Variants in MPHOSPH9 observed in about 807,000 individuals in gnomAD.
The protein encoded by MPHOSPH9 is M-phase phosphoprotein 9.
A neutral mutation model predicts 145.5 loss-of-function variants in MPHOSPH9; 88 were observed. The observed-to-expected ratio is 0.60, with a 90% CI of 0.51 to 0.72. MPHOSPH9 has a LOEUF of 0.72. Among genes scored for constraint, MPHOSPH9 ranks in the 30% least tolerant of loss-of-function variants. The pLI is 0.00. For missense variants in MPHOSPH9, 1,238 were observed against 1,386.6 expected, an observed-to-expected ratio of 0.89 and a Z score of 1.70; for synonymous variants, 435 against 486.2, an observed-to-expected ratio of 0.89 and a Z score of 1.39.
In MPHOSPH9 at chr12:123,180,813, T is replaced by C. The variant is rs375968659; in HGVS notation, c.2289+350A>G. On this transcript the variant is annotated intron_variant, in intron 14 of 23. Transcript: ENST00000606320. ...GCTTGAACCCAGGAGGCAGAGGTTG[T>C]GGTGAGCCGAGATCACACCACTGCA... Among the ~76,000 whole-genome samples the C allele has an allele frequency of 3.3e-5, 5 of 151,340 alleles. No individual in the cohort carries two copies. In the South Asian group the frequency reaches 6.3e-4, roughly 19 times the overall value.
At chr12:123,207,583 C>G (rs540593552) in intron 8 of MPHOSPH9, among the ~76,000 whole-genome samples, 1 of 152,200 alleles carries the variant, frequency 6.6e-6, no homozygotes, top group South Asian at 2.1e-4. Context: ...GCCGGGTGCA[C>G]TAGCTCATGC....
At position 123,201,942 on chromosome 12, in the gene MPHOSPH9, T is replaced by C. The variant is rs1464236762; in HGVS notation, c.1937+222A>G. 3.3e-5 allele frequency among the ~76,000 whole-genome samples: 5 copies of C among 152,294 alleles called. No individual in the cohort carries two copies. The South Asian group carries it at 8.3e-4, about 25-fold the overall frequency. ...ATGACATTACTCTGCATATACAAAA[T>C]TCGCTCAACTGTTTCAGTATTTTGC... On this transcript the variant is annotated intron_variant, in intron 11 of 23. Coordinates refer to ENST00000606320, the MANE Select transcript of MPHOSPH9 (RefSeq NM_022782.4).
At chr12:123,175,527 T>A (rs1462533274) in intron 16 of MPHOSPH9, among the ~76,000 whole-genome samples, 2 of 152,132 alleles carry the variant, frequency 1.3e-5, no homozygotes, top group Non-Finnish European at 2.9e-5. Flanking sequence ...CAACTTTGCC[T>A]CTTGCTGGAA....
Position 123,184,675 on chromosome 12 carries a change from T to A in MPHOSPH9, c.2242-3465A>T, listed in dbSNP as rs566219075. Among the ~76,000 whole-genome samples the A allele has an allele frequency of 5.3e-5, 8 of 152,040 alleles. No homozygotes were observed. The East Asian group carries it at 1.6e-3, about 29-fold the overall frequency. On this transcript the variant is annotated intron_variant, in intron 13 of 23. Coordinates refer to ENST00000606320, the MANE Select transcript of MPHOSPH9 (RefSeq NM_022782.4). ...ACCACGCCCAGCTAATTTTTTTGTA[T>A]TTTTAGTAGAGACGGGGTTTCACCA...
chr12:123,217,236 T>G (rs2138543371), intron 6 of MPHOSPH9, among the ~76,000 whole-genome samples: 1 of 152,130 alleles, frequency 6.6e-6, no homozygotes, highest in South Asian at 2.1e-4. Context: ...TCTCGCTCTT[T>G]TGCCAGGCCG....
At chr12:123,193,094 A>T (rs867612376) in intron 13 of MPHOSPH9, among the ~76,000 whole-genome samples, 10,583 of 85,286 alleles carry the variant, frequency 0.12, 1,285 homozygotes, top group African/African-American at 0.29. Flanking sequence ...AAAAAAAAAA[A>T]AAATATATAT....
At chr12:123,205,896 G>A (rs1002739784) in intron 8 of MPHOSPH9, among the ~76,000 whole-genome samples, 1 of 152,092 alleles carries the variant, frequency 6.6e-6, no homozygotes, top group African/African-American at 2.4e-5. Context: ...TGGCCAAATA[G>A]GTATCAGCAG....
chr12:123,179,945 GAGT>G lies in MPHOSPH9; in HGVS notation c.2332_2334del (p.Thr778del). ...TTTTACCTTTTCAAATCAGAAATCT[GAGT>G]ATATGCATCAAGCAATTTGTTCTCA... is the stretch of plus-strand genomic sequence containing the variant. On this transcript the variant is annotated inframe_deletion, in exon 15 of 24. Coordinates refer to ENST00000606320, the MANE Select transcript of MPHOSPH9 (RefSeq NM_022782.4). 3 of 1,450,198 alleles carry G rather than the reference GAGT, an allele frequency of 2.1e-6. No homozygotes were observed. Among genetic ancestry groups the G allele is most frequent in the Non-Finnish European group, 2.8e-6 (3 of 1,072,758 alleles). The allele number at this position is 1,450,198 out of a possible 1,614,324, so 89.8% of individuals were successfully genotyped here. A position where few individuals can be genotyped will look rare whatever the true frequency, so the allele number is the denominator to read the frequency against.
chr12:123,195,731 G>A, intron 12 of MPHOSPH9, among the ~76,000 whole-genome samples: 1 of 152,080 alleles, frequency 6.6e-6, no homozygotes, highest in Non-Finnish European at 1.5e-5. Flanking sequence ...AGTCCCGAAT[G>A]TCATGAAGCT....
intron 13 of MPHOSPH9, among the ~76,000 whole-genome samples, chr12:123,186,535 G>A (rs2045452736): frequency 6.6e-6 from 1 of 152,032 alleles, no homozygotes; most frequent in South Asian, 2.1e-4. Flanking sequence ...CATGTCATAG[G>A]CAATAAAACA....
At chr12:123,164,209 G>A in intron 18 of MPHOSPH9, 119 bp from the exon 19 acceptor site, 2 of 1,139,120 alleles carry the variant, frequency 1.8e-6, no homozygotes, top group South Asian at 2.8e-5. Flanking sequence ...CACAGCTTAG[G>A]TTCTGCTCAA....
intron 1 of MPHOSPH9, among the ~76,000 whole-genome samples, chr12:123,240,339 C>T (rs1007708521): frequency 6.6e-6 from 1 of 151,120 alleles, no homozygotes; most frequent in Non-Finnish European, 1.5e-5. Context: ...GTGACGGAGA[C>T]TCCGTCTAAA....
chr12:123,174,737 C>G (rs1176174893), intron 16 of MPHOSPH9, among the ~76,000 whole-genome samples: 1 of 152,102 alleles, frequency 6.6e-6, no homozygotes, highest in Non-Finnish European at 1.5e-5. Context: ...TTTATAATTG[C>G]CTATTTGATT....
Position 123,156,054 on chromosome 12 carries a change from A to G in MPHOSPH9, c.*753T>C, listed in dbSNP as rs1456320846. Reference sequence around the variant, plus strand: ...TGTATTTCAAAGGGTTTATCTGTCCATTTATTGTCCAGGGTGGGACACAAG... The same window carrying G: ...TGTATTTCAAAGGGTTTATCTGTCCGTTTATTGTCCAGGGTGGGACACAAG... On this transcript the variant is annotated 3_prime_UTR_variant, in exon 24 of 24. Coordinates refer to ENST00000606320, the MANE Select transcript of MPHOSPH9 (RefSeq NM_022782.4). 2.6e-5 allele frequency: 4 copies of G among 152,198 alleles called. No individual in the cohort carries two copies. Among genetic ancestry groups the G allele is most frequent in the Non-Finnish European group, 5.9e-5 (4 of 68,036 alleles). 9.4% of individuals were successfully genotyped at this position (152,198 alleles called of 1,614,324 possible).
At position 123,161,435 on chromosome 12, in the gene MPHOSPH9, G is replaced by T. The variant is rs1374844740; in HGVS notation, c.3134-52C>A. On this transcript the variant is annotated intron_variant, in intron 21 of 23. Coordinates refer to ENST00000606320, the MANE Select transcript of MPHOSPH9 (RefSeq NM_022782.4). ...TATTTCTTATCAATTTTTCGTGTAG[G>T]TTGCATATATATTAAATATGTTGCC... 5.0e-6 allele frequency: 8 copies of T among 1,587,944 alleles called. No homozygotes were observed. The South Asian group carries it at 9.0e-5, about 18-fold the overall frequency.
intron 16 of MPHOSPH9, among the ~76,000 whole-genome samples, chr12:123,171,734 G>A (rs1475751578): frequency 6.6e-6 from 1 of 152,002 alleles, no homozygotes; most frequent in East Asian, 1.9e-4. Flanking sequence ...GGGTGACACA[G>A]CGAGACTCCA....
At chr12:123,181,743 C>T (rs2045158826) in intron 13 of MPHOSPH9, among the ~76,000 whole-genome samples, 1 of 151,840 alleles carries the variant, frequency 6.6e-6, no homozygotes, top group African/African-American at 2.4e-5. Flanking sequence ...AAAAAAATAG[C>T]TGAACATGGG....
intron 15 of MPHOSPH9, among the ~76,000 whole-genome samples, chr12:123,177,667 G>A (rs963939390): frequency 3.3e-5 from 5 of 152,022 alleles, no homozygotes; most frequent in South Asian, 2.1e-4. Flanking sequence ...ACTTAATATC[G>A]CAAGTTATAT....
At chr12:123,152,962 G>A (rs1716184), downstream of MPHOSPH9, 1 of 157,310 alleles carries the variant, frequency 6.4e-6, no homozygotes, top group African/African-American at 2.4e-5. Flanking sequence ...TGACAAAAGT[G>A]TCTAATTTTA....
Sources: allele counts gnomAD v4.1 joint callset (sites outside exome capture counted in the v4.1 genomes callset), GRCh38; gene constraint gnomAD v4.1.1; transcripts MANE v1.5; gene names NCBI Gene and HGNC (gene_info 2026-07-23, HGNC 2026-07-21).